The following MAGI1 variants were observed in gnomAD, a reference collection of about 807,000 sequenced individuals.
The protein encoded by MAGI1 is membrane associated guanylate kinase, WW and PDZ domain containing 1.
In MAGI1, 58 loss-of-function variants were observed where a neutral mutation model predicts 139.9. The ratio of observed to expected loss-of-function variants is 0.41; its 90% confidence interval spans 0.34 to 0.52. The LOEUF is 0.52. Among genes scored for constraint, MAGI1 ranks in the 20% least tolerant of loss-of-function variants. MAGI1 has a pLI of 0.12. For synonymous variants in MAGI1, 812 were observed against 737.9 expected (o/e 1.10, Z -1.63); for missense variants, 1,874 against 1,901.6 (o/e 0.99, Z 0.27).
At chr3:65,703,087 C>T (rs73832922) in intron 1 of MAGI1, among the ~76,000 whole-genome samples, 6,046 of 152,158 alleles carry the variant, frequency 0.04, 391 homozygotes, top group African/African-American at 0.14. Flanking sequence ...CATGCTGCAC[C>T]TGACAATCTG....
chr3:65,831,951 A>G (rs1166919726), intron 1 of MAGI1, among the ~76,000 whole-genome samples: 2 of 152,208 alleles, frequency 1.3e-5, no homozygotes, highest in South Asian at 2.1e-4. Context: ...ATGTTGAGTA[A>G]TAATTGTGGG....
At chr3:65,625,448 T>C (rs929199526) in intron 1 of MAGI1, among the ~76,000 whole-genome samples, 1 of 152,164 alleles carries the variant, frequency 6.6e-6, no homozygotes, top group Non-Finnish European at 1.5e-5. Context: ...TACTTCTGAA[T>C]CCTGGCTCAA....
In MAGI1 at chr3:65,778,186, T is replaced by C. The variant is rs2038624055; in HGVS notation, c.314-156098A>G. Among the ~76,000 whole-genome samples, 3 of 152,190 alleles carry C rather than the reference T, an allele frequency of 2.0e-5. No homozygotes were observed. In the South Asian group the frequency reaches 6.2e-4, roughly 32 times the overall value. ...GACTCACGCCTGTAATCCCAGCACT[T>C]TGGGGGGCCAAGGCTGGCGGATCAC... On this transcript the variant is annotated intron_variant, in intron 1 of 22. Transcript: ENST00000402939.
chr3:65,600,548 G>A (rs2082431046), intron 2 of MAGI1, among the ~76,000 whole-genome samples: 2 of 152,314 alleles, frequency 1.3e-5, no homozygotes, highest in South Asian at 2.1e-4. Flanking sequence ...AGCCAGGAGA[G>A]ATGCTTAGTT....
At position 65,813,886 on chromosome 3, in the gene MAGI1, C is replaced by T. The variant is rs147900861; in HGVS notation, c.314-191798G>A. On this transcript the variant is annotated intron_variant, in intron 1 of 22. Transcript: ENST00000402939. ...ATTCTGAAAAGCTCAATGAGTCTCTCGGACATATCTAAAGGTACCTTGCAG... is the reference window on the plus strand; with the variant it reads ...ATTCTGAAAAGCTCAATGAGTCTCTTGGACATATCTAAAGGTACCTTGCAG... 1.9e-4 allele frequency among the ~76,000 whole-genome samples: 29 copies of T among 152,248 alleles called. 1 individual carries two copies. The East Asian group carries it at 4.2e-3, about 22-fold the overall frequency.
chr3:65,442,014 G>C (rs1004740237), intron 8 of MAGI1, among the ~76,000 whole-genome samples: 1 of 151,482 alleles, frequency 6.6e-6, no homozygotes, highest in African/African-American at 2.4e-5. Flanking sequence ...TATGGCATTT[G>C]CTTCTTTTGA....
At chr3:65,612,554 T>C (rs1337897854) in intron 2 of MAGI1, among the ~76,000 whole-genome samples, 2 of 152,180 alleles carry the variant, frequency 1.3e-5, no homozygotes, top group Admixed American at 1.3e-4. Flanking sequence ...ATTCATATTG[T>C]AGTGAAAATA....
intron 1 of MAGI1, among the ~76,000 whole-genome samples, chr3:65,832,295 C>T (rs2042572328): frequency 6.6e-6 from 1 of 152,076 alleles, no homozygotes; most frequent in South Asian, 2.1e-4. Context: ...TTGGTTAAGC[C>T]CTTTACAAAT....
intron 1 of MAGI1, among the ~76,000 whole-genome samples, chr3:65,862,594 A>T (rs1267088188): frequency 2.0e-5 from 3 of 152,208 alleles, no homozygotes; most frequent in Non-Finnish European, 4.4e-5. Context: ...ACTGGGTTCT[A>T]TAGCTAACAG....
intron 1 of MAGI1, among the ~76,000 whole-genome samples, chr3:65,992,752 G>C (rs1469788695): frequency 4.6e-5 from 7 of 152,196 alleles, no homozygotes; most frequent in Non-Finnish European, 1.5e-5. Flanking sequence ...AAGACAACAA[G>C]GGAACAAGGG....
chr3:65,902,051 T>A (rs977961430), intron 1 of MAGI1, among the ~76,000 whole-genome samples: 21 of 152,230 alleles, frequency 1.4e-4, no homozygotes, highest in African/African-American at 4.3e-4. Flanking sequence ...AAATAACATA[T>A]ATTTGTGAGA....
chr3:65,470,973 T>C (rs1000634929), intron 4 of MAGI1, among the ~76,000 whole-genome samples: 2 of 152,234 alleles, frequency 1.3e-5, no homozygotes, highest in African/African-American at 2.4e-5. Context: ...TTTTTATATT[T>C]GTATAAATAT....
chr3:65,723,341 A>G (rs1162486091), intron 1 of MAGI1, among the ~76,000 whole-genome samples: 1 of 152,196 alleles, frequency 6.6e-6, no homozygotes, highest in Non-Finnish European at 1.5e-5. Flanking sequence ...AGATGCTTCA[A>G]TCCTGGACTT....
rs185863547 is a variant in MAGI1, at chr3:65,503,293, C to G, written c.431-9662G>C. Among the ~76,000 whole-genome samples the G allele has an allele frequency of 6.4e-4, 97 of 152,266 alleles. 1 individual carries two copies. Among genetic ancestry groups the G allele is most frequent in the Non-Finnish European group, 8.8e-4 (60 of 68,024 alleles). On this transcript the variant is annotated intron_variant, in intron 2 of 22. Coordinates refer to ENST00000402939, the MANE Select transcript of MAGI1 (RefSeq NM_001033057.2). ...GAAGGCCAGCCTCCTCCTCAGGAAT[C>G]AGGGGAAGTTGTTGAGTTATTTAAC...
At chr3:65,374,210 G>GTT (rs1459563419) in intron 18 of MAGI1, among the ~76,000 whole-genome samples, 2 of 151,500 alleles carry the variant, frequency 1.3e-5, no homozygotes, top group Non-Finnish European at 2.9e-5. Context: ...TGGGACAAGT[G>GTT]TCACCTTCCT....
In MAGI1 at chr3:65,651,870, T is replaced by C. The variant is rs147647753; in HGVS notation, c.314-29782A>G. Among the ~76,000 whole-genome samples, 383 of 152,318 alleles carry C rather than the reference T, an allele frequency of 2.5e-3. 3 individuals are homozygous for C. The highest frequency in any genetic ancestry group is 9.1e-4 in the Non-Finnish European group (62 of 68,036). On this transcript the variant is annotated intron_variant, in intron 1 of 22. Transcript: ENST00000402939. Reference sequence around the variant, plus strand: ...AAGTGACTACATTTCAGACAAACTTTTCAGCTCATCTTTGGAGAATGTATC... The same window carrying C: ...AAGTGACTACATTTCAGACAAACTTCTCAGCTCATCTTTGGAGAATGTATC...
At chr3:65,425,630 G>C (rs573333458) in intron 12 of MAGI1, among the ~76,000 whole-genome samples, 16 of 152,274 alleles carry the variant, frequency 1.1e-4, no homozygotes, top group South Asian at 2.1e-4. Context: ...GGTATCCCAA[G>C]TTCAGTTTTC....
intron 1 of MAGI1, among the ~76,000 whole-genome samples, chr3:65,821,224 C>T (rs1495456): frequency 0.65 from 98,304 of 151,938 alleles, 32,351 homozygotes; most frequent in East Asian, 0.95. Flanking sequence ...TAACCAGCAA[C>T]TCTCAAAGTA....
At chr3:65,942,482 A>G (rs1479004387) in intron 1 of MAGI1, among the ~76,000 whole-genome samples, 3 of 152,200 alleles carry the variant, frequency 2.0e-5, no homozygotes, top group African/African-American at 7.2e-5. Context: ...GGGGCCAGAA[A>G]AAACATTTGG....
Sources: allele counts gnomAD v4.1 joint callset (sites outside exome capture counted in the v4.1 genomes callset), GRCh38; gene constraint gnomAD v4.1.1; transcripts MANE v1.5; gene names NCBI Gene and HGNC (gene_info 2026-07-23, HGNC 2026-07-21).